The following C12orf42 variants were observed in gnomAD, a reference collection of about 807,000 sequenced individuals.
C12orf42 encodes uncharacterized protein C12orf42.
A neutral mutation model predicts 21.6 loss-of-function variants in C12orf42; 25 were observed. That is an observed-to-expected ratio of 1.16 (90% CI 0.84 to 1.62). The LOEUF (loss-of-function observed/expected upper bound fraction) is 1.62. Among genes scored for constraint, C12orf42 ranks in the 40% most tolerant of loss-of-function variants. The pLI is 0.00. For synonymous variants in C12orf42, 174 were observed against 175.0 expected (o/e 0.99, Z 0.05); for missense variants, 483 against 459.3 (o/e 1.05, Z -0.47).
intron 10 of C12orf42, among the ~76,000 whole-genome samples, chr12:103,243,468 T>C (rs1244790749): frequency 1.3e-5 from 2 of 152,110 alleles, no homozygotes; most frequent in African/African-American, 4.8e-5. Flanking sequence ...TTATTGTAAT[T>C]ATTAAAATAA....
intron 4 of C12orf42, among the ~76,000 whole-genome samples, chr12:103,281,497 C>T (rs1020301301): frequency 6.6e-6 from 1 of 151,856 alleles, no homozygotes; most frequent in East Asian, 1.9e-4. Context: ...CAAGTAGCTA[C>T]AGGCGCCCAC....
intron 2 of C12orf42, among the ~76,000 whole-genome samples, chr12:103,451,346 C>G (rs1951927806): frequency 6.9e-6 from 1 of 145,704 alleles, no homozygotes; most frequent in Non-Finnish European, 1.5e-5. Flanking sequence ...CCCACCTCAG[C>G]CTCCCAAGTA....
At chr12:103,519,834 G>T in the C12orf42 span, among the ~76,000 whole-genome samples, 1 of 152,148 alleles carries the variant, frequency 6.6e-6, no homozygotes, top group African/African-American at 2.4e-5. Flanking sequence ...CCAGCCATGA[G>T]GAATGAGGCT....
At chr12:103,274,950 C>T (rs2035678860) in intron 5 of C12orf42, among the ~76,000 whole-genome samples, 1 of 151,958 alleles carries the variant, frequency 6.6e-6, no homozygotes, top group African/African-American at 2.4e-5. Context: ...TGGTTCTATC[C>T]ACATTTGGCA....
the C12orf42 span, among the ~76,000 whole-genome samples, chr12:103,505,825 G>T: frequency 6.6e-6 from 1 of 152,150 alleles, no homozygotes; most frequent in African/African-American, 2.4e-5. Flanking sequence ...TGTTACAGGG[G>T]GTCACAAATG....
chr12:103,387,722 G>A lies in C12orf42; in HGVS notation c.147+13885C>T, dbSNP rs528064511. 1.3e-4 allele frequency among the ~76,000 whole-genome samples: 20 copies of A among 152,254 alleles called. 1 individual carries two copies. Among genetic ancestry groups the A allele is most frequent in the Admixed American group, 4.6e-4 (7 of 15,302 alleles). ...GCTCTAATACTGGAAACTATCTTTC[G>A]TCTTGCTCACTGTCTATCTCTAATA... On this transcript the variant is annotated intron_variant, in intron 3 of 5. Coordinates refer to ENST00000548883, the MANE Select transcript of C12orf42 (RefSeq NM_198521.5).
chr12:103,418,244 G>A (rs770155418), intron 2 of C12orf42, among the ~76,000 whole-genome samples: 4 of 152,020 alleles, frequency 2.6e-5, no homozygotes, highest in South Asian at 4.1e-4. Context: ...TTATCAATTC[G>A]TGAACACAGG....
At chr12:103,540,236 G>C in the C12orf42 span, among the ~76,000 whole-genome samples, 1 of 152,144 alleles carries the variant, frequency 6.6e-6, no homozygotes, top group Non-Finnish European at 1.5e-5. Context: ...TCGAACTCCT[G>C]ACCTCATGAT....
chr12:103,312,989 C>T (rs1314579588), intron 4 of C12orf42, among the ~76,000 whole-genome samples: 1 of 152,236 alleles, frequency 6.6e-6, no homozygotes, highest in Non-Finnish European at 1.5e-5. Context: ...TTCACACCCA[C>T]TTCTTGTAGC....
intron 2 of C12orf42, among the ~76,000 whole-genome samples, chr12:103,420,228 T>C (rs1593929413): frequency 6.6e-6 from 1 of 152,212 alleles, no homozygotes; most frequent in East Asian, 1.9e-4. Context: ...TCAAACAACT[T>C]GGTTTTGTCT....
intron 2 of C12orf42, among the ~76,000 whole-genome samples, chr12:103,447,622 A>C (rs750288975): frequency 5.9e-5 from 9 of 152,034 alleles, no homozygotes; most frequent in Non-Finnish European, 2.9e-5. Flanking sequence ...ATGTACACAA[A>C]TGAGTAGCTC....
chr12:103,086,300 CA>C, the C12orf42 span, among the ~76,000 whole-genome samples: 13 of 151,574 alleles, frequency 8.6e-5, no homozygotes, highest in Non-Finnish European at 1.9e-4. Context: ...TAATTTAACA[CA>C]TTTTTTTGAG....
At chr12:103,221,827 G>C in the C12orf42 span, among the ~76,000 whole-genome samples, 1 of 151,992 alleles carries the variant, frequency 6.6e-6, no homozygotes, top group Non-Finnish European at 1.5e-5. Context: ...TTGACCTCAG[G>C]GCAAGGAAAC....
chr12:103,395,425 T>A (rs1286628723), intron 3 of C12orf42, among the ~76,000 whole-genome samples: 5 of 150,392 alleles, frequency 3.3e-5, no homozygotes, highest in Non-Finnish European at 7.4e-5. Flanking sequence ...AAGCTCCGCC[T>A]CCCGGGTTCA....
chr12:103,306,182 T>C lies in C12orf42; in HGVS notation c.423A>G (p.Pro141=), dbSNP rs376295502. 4.2e-4 allele frequency: 685 copies of C among 1,613,932 alleles called. 1 individual carries two copies. The highest frequency in any genetic ancestry group is 1.8e-3 in the Middle Eastern group (11 of 6,062). ...TTTCTCCTCTGGCAGTAAAAATCAA[T>C]GGGGCCTCATCAGTTTCACTGGATG... ...PAPSSETDEA[P]LIFTARGETE... Residue 141 remains proline (P), a synonymous_variant, in exon 5 of 6, where the codon CCA becomes CCG. Coordinates refer to ENST00000548883, the MANE Select transcript of C12orf42 (RefSeq NM_198521.5).
intron 3 of C12orf42, among the ~76,000 whole-genome samples, chr12:103,375,425 A>G (rs1593686169): frequency 6.6e-6 from 1 of 152,206 alleles, no homozygotes; most frequent in Non-Finnish European, 1.5e-5. Flanking sequence ...CAGTAAAAAG[A>G]TTCTTCTCAA....
the C12orf42 span, among the ~76,000 whole-genome samples, chr12:103,522,186 C>G: frequency 6.6e-6 from 1 of 152,168 alleles, no homozygotes; most frequent in Non-Finnish European, 1.5e-5. Context: ...ATAAGTCTCA[C>G]GAGATCTGAT....
the C12orf42 span, among the ~76,000 whole-genome samples, chr12:103,508,768 C>A: frequency 2.0e-3 from 298 of 152,294 alleles, no homozygotes; most frequent in African/African-American, 6.7e-3. Context: ...GACAGAAACA[C>A]TTGGTTTCAA....
chr12:103,096,675 C>G, the C12orf42 span, among the ~76,000 whole-genome samples: 1 of 152,174 alleles, frequency 6.6e-6, no homozygotes, highest in African/African-American at 2.4e-5. Flanking sequence ...TCAATAAATA[C>G]TTCTTAGATT....
Sources: allele counts gnomAD v4.1 joint callset (sites outside exome capture counted in the v4.1 genomes callset), GRCh38; gene constraint gnomAD v4.1.1; transcripts MANE v1.5; gene names NCBI Gene and HGNC (gene_info 2026-07-23, HGNC 2026-07-21).